Variants in RABGEF1 observed in about 807,000 individuals in gnomAD.
The protein encoded by RABGEF1 is RAB guanine nucleotide exchange factor 1.
Under a neutral mutation model 57.3 loss-of-function variants are expected in RABGEF1, and 26 were observed. The observed-to-expected ratio is 0.45, with a 90% confidence interval of 0.33 to 0.63. The LOEUF (loss-of-function observed/expected upper bound fraction) is 0.63. Among genes scored for constraint, RABGEF1 ranks in the 20% least tolerant of loss-of-function variants. RABGEF1 has a pLI of 0.02. For synonymous variants in RABGEF1, 185 were observed against 210.7 expected (o/e 0.88, Z 1.06); for missense variants, 464 against 607.6 (o/e 0.76, Z 2.48).
chr7:66,737,217 A>T (rs1265190091), upstream of RABGEF1, among the ~76,000 whole-genome samples: 1 of 151,608 alleles, frequency 6.6e-6, no homozygotes, highest in Non-Finnish European at 1.5e-5. Context: ...GTATTTATTT[A>T]ATTTTTAGGT....
chr7:66,778,891 A>G (rs1302257312), intron 3 of RABGEF1, among the ~76,000 whole-genome samples: 1 of 152,024 alleles, frequency 6.6e-6, no homozygotes, highest in East Asian at 1.9e-4. Flanking sequence ...CAAGGCAGGC[A>G]GATCACCTAA....
chr7:66,792,157 T>C (rs1812849683), intron 4 of RABGEF1, among the ~76,000 whole-genome samples: 1 of 151,990 alleles, frequency 6.6e-6, no homozygotes, highest in Non-Finnish European at 1.5e-5. Context: ...CGTACAATGA[T>C]TAGAGAGTAC....
intron 5 of RABGEF1, chr7:66,796,932 C>T (rs1402561500): frequency 2.2e-6 from 1 of 444,670 alleles, no homozygotes; most frequent in East Asian, 7.0e-5. Context: ...ATATAACATT[C>T]TTATACTTTT....
At chr7:66,676,908 A>C in the RABGEF1 span, among the ~76,000 whole-genome samples, 2 of 152,206 alleles carry the variant, frequency 1.3e-5, no homozygotes, top group Non-Finnish European at 2.9e-5. Flanking sequence ...CTTGATGCAC[A>C]AAAGTTAAAA....
At chr7:66,764,394 TTTCTC>T (rs1805185700) in intron 1 of RABGEF1, among the ~76,000 whole-genome samples, 1 of 152,126 alleles carries the variant, frequency 6.6e-6, no homozygotes, top group Non-Finnish European at 1.5e-5. Context: ...TTGCAAATGT[TTTCTC>T]TTATTCTGTG....
chr7:66,752,193 A>G (rs1801587294), intron 1 of RABGEF1, among the ~76,000 whole-genome samples: 2 of 149,092 alleles, frequency 1.3e-5, no homozygotes, highest in South Asian at 4.3e-4. Context: ...CTCTGTCCCA[A>G]TTAAAAAAAA....
the RABGEF1 span, among the ~76,000 whole-genome samples, chr7:66,671,298 G>C: frequency 6.6e-6 from 1 of 152,110 alleles, no homozygotes; most frequent in Non-Finnish European, 1.5e-5. Flanking sequence ...TCTCCCCTCA[G>C]CCTCCTGAAT....
intron 1 of RABGEF1, among the ~76,000 whole-genome samples, chr7:66,711,932 G>T (rs1286626514): frequency 6.6e-6 from 1 of 152,076 alleles, no homozygotes; most frequent in Non-Finnish European, 1.5e-5. Context: ...TCATTCCATG[G>T]TGTTGACCTG....
At chr7:66,714,216 T>C (rs1452773702) in intron 2 of RABGEF1, among the ~76,000 whole-genome samples, 1 of 152,228 alleles carries the variant, frequency 6.6e-6, no homozygotes, top group Non-Finnish European at 1.5e-5. Context: ...CTTGAAAGGT[T>C]TTTTAACAAC....
chr7:66,766,375 G>A (rs1472665092), intron 1 of RABGEF1, among the ~76,000 whole-genome samples: 4 of 151,274 alleles, frequency 2.6e-5, no homozygotes, highest in African/African-American at 9.7e-5. Flanking sequence ...GATGGAATAA[G>A]TCATGATTTC....
the RABGEF1 span, among the ~76,000 whole-genome samples, chr7:66,660,189 T>C: frequency 6.6e-6 from 1 of 151,350 alleles, no homozygotes; most frequent in Non-Finnish European, 1.5e-5. Flanking sequence ...CTACTAAAAA[T>C]AGAAAAAAAT....
rs537009756 is a variant in RABGEF1, at chr7:66,772,163, C to G, written c.179+85C>G. ...ACCGTCTAAATACATTTTTTCACTT[C>G]TGCTTTGAGCTATCAGCAAGTCAGT... is the stretch of plus-strand genomic sequence containing the variant. On this transcript the variant is annotated intron_variant, in intron 2 of 8. Coordinates refer to ENST00000284957, the MANE Select transcript of RABGEF1 (RefSeq NM_014504.3). The G allele has an allele frequency of 9.1e-5, 99 of 1,090,890 alleles. 2 individuals are homozygous for G. The East Asian group carries it at 2.8e-3, about 31-fold the overall frequency. The allele number at this position is 1,090,890 out of a possible 1,614,324, so 67.6% of individuals were successfully genotyped here.
At chr7:66,669,564 G>A in the RABGEF1 span, among the ~76,000 whole-genome samples, 2 of 152,226 alleles carry the variant, frequency 1.3e-5, no homozygotes, top group African/African-American at 4.8e-5. Context: ...AGGAGATCAG[G>A]CAATACTAAA....
chr7:66,782,990 A>G (rs1810316566), intron 3 of RABGEF1, among the ~76,000 whole-genome samples: 1 of 152,114 alleles, frequency 6.6e-6, no homozygotes, highest in Non-Finnish European at 1.5e-5. Context: ...TCTTGTGTAA[A>G]TGTCCCATTT....
chr7:66,797,315 AAAAAAAG>A lies in RABGEF1; in HGVS notation c.596-57_596-51del, dbSNP rs964518484. 3.0e-5 allele frequency: 44 copies of A among 1,451,234 alleles called. No individual in the cohort carries two copies. In the Middle Eastern group the frequency reaches 7.7e-4, roughly 25 times the overall value. The allele number at this position is 1,451,234 out of a possible 1,614,324, so 89.9% of individuals were successfully genotyped here. A position where few individuals can be genotyped will look rare whatever the true frequency, so the allele number is the denominator to read the frequency against. On this transcript the variant is annotated intron_variant, in intron 5 of 8. Coordinates refer to ENST00000284957, the MANE Select transcript of RABGEF1 (RefSeq NM_014504.3). ...CCAGACTCTTTGTTTGCAAAAAAAA[AAAAAAAG>A]AGAGAGAAAAAATATATATATCTTG...
chr7:66,772,527 A>G (rs546407538), intron 2 of RABGEF1, among the ~76,000 whole-genome samples: 1 of 152,332 alleles, frequency 6.6e-6, no homozygotes, highest in South Asian at 2.1e-4. Flanking sequence ...GTTGACTTGT[A>G]TACATAGTCA....
Position 66,796,369 on chromosome 7 carries a change from C to T in RABGEF1, c.595+777C>T, listed in dbSNP as rs1162670163. On this transcript the variant is annotated intron_variant, in intron 5 of 8. Coordinates refer to ENST00000284957, the MANE Select transcript of RABGEF1 (RefSeq NM_014504.3). ...CATTTGTATACCTCAGAGAGCTCTA[C>T]GATGTTATGGTAAACCTCAGAAAAA... is the stretch of plus-strand genomic sequence containing the variant. 2.6e-5 allele frequency among the ~76,000 whole-genome samples: 4 copies of T among 152,132 alleles called. No individual in the cohort carries two copies. In the East Asian group the frequency reaches 5.8e-4, roughly 22 times the overall value.
chr7:66,791,344 T>C (rs1812610548), intron 4 of RABGEF1, among the ~76,000 whole-genome samples: 1 of 152,220 alleles, frequency 6.6e-6, no homozygotes, highest in Non-Finnish European at 1.5e-5. Context: ...CAAGATATAC[T>C]CCCTGGTGAG....
the RABGEF1 span, among the ~76,000 whole-genome samples, chr7:66,676,947 T>G: frequency 6.6e-6 from 1 of 152,196 alleles, no homozygotes; most frequent in Admixed American, 6.6e-5. Context: ...ACTTGTCTAT[T>G]TTCTTTTATT....
Sources: allele counts gnomAD v4.1 joint callset (sites outside exome capture counted in the v4.1 genomes callset), GRCh38; gene constraint gnomAD v4.1.1; transcripts MANE v1.5; gene names NCBI Gene and HGNC (gene_info 2026-07-23, HGNC 2026-07-21).